Variants in HERC2 observed in about 807,000 individuals in gnomAD.
The protein encoded by HERC2 is HECT and RLD domain containing E3 ubiquitin protein ligase 2.
In HERC2, 102 loss-of-function variants were observed where a neutral mutation model predicts 537.7. That is an observed-to-expected ratio of 0.19 (90% CI 0.16 to 0.22). The LOEUF (loss-of-function observed/expected upper bound fraction) is 0.22. HERC2 is among the 10% of genes least tolerant of loss of function. The pLI is 1.00. For synonymous variants in HERC2, 2,224 were observed against 2,466.2 expected (o/e 0.90, Z 2.91); for missense variants, 4,236 against 6,198.2 (o/e 0.68, Z 10.63).
At chr15:28,130,752 G>A (rs1261665825) in intron 81 of HERC2, among the ~76,000 whole-genome samples, 158 bp from the exon 82 acceptor site, 1 of 152,198 alleles carries the variant, frequency 6.6e-6, no homozygotes, top group Non-Finnish European at 1.5e-5. Context: ...CTTAATCTCA[G>A]CACTCTCAGG....
intron 86 of HERC2, among the ~76,000 whole-genome samples, chr15:28,120,180 A>C (rs958409799): frequency 1.3e-5 from 2 of 152,240 alleles, no homozygotes; most frequent in African/African-American, 4.8e-5. Context: ...CTAGTTAAAC[A>C]ACCTATTTAT....
chr15:28,282,964 G>T (rs2076060341), intron 4 of HERC2, among the ~76,000 whole-genome samples: 1 of 141,854 alleles, frequency 7.0e-6, no homozygotes, highest in Non-Finnish European at 1.5e-5. Context: ...GAAGGGACAG[G>T]AAGGGATGGG....
intron 55 of HERC2, 84 bp from the exon 56 acceptor site, chr15:28,186,836 C>G: frequency 3.3e-6 from 3 of 920,444 alleles, no homozygotes; most frequent in Non-Finnish European, 5.1e-6. Context: ...GTGTGAGACA[C>G]GAACATGTAC....
At chr15:28,121,653 G>T (rs1888903073) in intron 85 of HERC2, among the ~76,000 whole-genome samples, 2 of 152,198 alleles carry the variant, frequency 1.3e-5, no homozygotes, top group Admixed American at 1.3e-4. Context: ...CGGGCAAGAG[G>T]CAGGTCCCTC....
In HERC2 at chr15:28,213,855, G is replaced by A. The variant is rs1353530202; in HGVS notation, c.6673C>T (p.His2225Tyr). Reference protein sequence around the residue: ...GRLRLGGQVMHDEFGEGTVTR... With the variant: ...GRLRLGGQVMYDEFGEGTVTR... Reference sequence around the variant, plus strand: ...ACAGTGCCTTCTCCAAACTCATCGTGCATAACTTGACCGCCCAGGCGCAGG... The same window carrying A: ...ACAGTGCCTTCTCCAAACTCATCGTACATAACTTGACCGCCCAGGCGCAGG... The change falls in exon 42 of 93, where the codon CAC becomes TAC. Residue 2225 changes from histidine to tyrosine, a missense_variant. His to Tyr is a moderately conservative substitution (Grantham distance 83, BLOSUM62 2). Coordinates refer to ENST00000261609, the MANE Select transcript of HERC2 (RefSeq NM_004667.6). The A allele has an allele frequency of 6.2e-7, 1 of 1,614,022 alleles. No individual in the cohort carries two copies. The highest frequency in any genetic ancestry group is 8.5e-7 in the Non-Finnish European group (1 of 1,179,912).
chr15:28,199,969 C>T (rs1897738655), intron 48 of HERC2, among the ~76,000 whole-genome samples: 2 of 151,932 alleles, frequency 1.3e-5, no homozygotes, highest in Non-Finnish European at 2.9e-5. Context: ...TGTTTGTGTC[C>T]CCCCCACCAA....
chr15:28,282,354 G>A (rs566348786), intron 4 of HERC2, among the ~76,000 whole-genome samples: 19 of 152,212 alleles, frequency 1.2e-4, no homozygotes, highest in Non-Finnish European at 2.4e-4. Flanking sequence ...GAAATACCAC[G>A]ATGAAAGATG....
chr15:28,313,287 C>T (rs1446033144), intron 2 of HERC2, among the ~76,000 whole-genome samples: 61 of 149,216 alleles, frequency 4.1e-4, no homozygotes, highest in African/African-American at 1.4e-3. Flanking sequence ...ATGCCATTCT[C>T]CTGCCTCAGC....
At chr15:28,212,150 G>A (rs1336152011) in intron 43 of HERC2, among the ~76,000 whole-genome samples, 1 of 152,210 alleles carries the variant, frequency 6.6e-6, no homozygotes, top group Non-Finnish European at 1.5e-5. Context: ...GGATGGAGAG[G>A]AGGAGGGAAG....
chr15:28,309,233 TG>T (rs1275035684), intron 2 of HERC2, among the ~76,000 whole-genome samples: 2 of 152,266 alleles, frequency 1.3e-5, no homozygotes, highest in African/African-American at 2.4e-5. Flanking sequence ...CTGGATGATC[TG>T]ATCTGTCCAA....
chr15:28,260,902 G>A lies in HERC2; in HGVS notation c.2191C>T (p.His731Tyr). The A allele has an allele frequency of 1.2e-6, 2 of 1,614,156 alleles. No individual in the cohort carries two copies. The highest frequency in any genetic ancestry group is 2.2e-5 in the East Asian group (1 of 44,888). The change falls in exon 16 of 93, where the codon CAC becomes TAC. Residue 731 changes from histidine to tyrosine, a missense_variant. His to Tyr is a moderately conservative substitution (Grantham distance 83, BLOSUM62 2). This residue lies in a region of HERC2 where 754 missense variants were observed against 1,085.0 expected (regional missense o/e 0.69). Transcript: ENST00000261609. ...CACTGGTCGTTGCTCCCCCAGCTGT[G>A]GACCTCGCTGTCCTCAGTCAGAGCC... ...CLALTEDSEV[H>Y]SWGSNDQCQH...
chr15:28,214,810 A>G lies in HERC2; in HGVS notation c.6211-8T>C. ...CAAATGCACAGCTAAGATCTGATAAAAGAAAATTTATAACGACAAGCATTA... is the reference window on the plus strand; with the variant it reads ...CAAATGCACAGCTAAGATCTGATAAGAGAAAATTTATAACGACAAGCATTA... On this transcript the variant is annotated splice_region_variant and splice_polypyrimidine_tract_variant and intron_variant, in intron 39 of 92. Coordinates refer to ENST00000261609, the MANE Select transcript of HERC2 (RefSeq NM_004667.6). 6.2e-7 allele frequency: 1 copy of G among 1,603,150 alleles called. No homozygotes were observed. The highest frequency in any genetic ancestry group is 1.1e-5 in the South Asian group (1 of 89,466).
At chr15:28,274,110 C>A (rs1244158611) in intron 7 of HERC2, among the ~76,000 whole-genome samples, 181 bp downstream of exon 7, 1 of 152,174 alleles carries the variant, frequency 6.6e-6, no homozygotes, top group East Asian at 1.9e-4. Context: ...GTCAGAGTAT[C>A]ATAAATCAAA....
In HERC2 at chr15:28,146,227, C is replaced by G. The variant is rs756976336; in HGVS notation, c.11008+10G>C. On this transcript the variant is annotated intron_variant, in intron 71 of 92. Transcript: ENST00000261609. ...GGTAGATCATGCCCTGCTCAACCTCCTGTCCTTACCTGACCGCACGGAGAC... is the reference window on the plus strand; with the variant it reads ...GGTAGATCATGCCCTGCTCAACCTCGTGTCCTTACCTGACCGCACGGAGAC... 15 of 1,601,788 alleles carry G rather than the reference C, an allele frequency of 9.4e-6. No homozygotes were observed. In the Admixed American group the frequency reaches 1.2e-4, roughly 12 times the overall value.
At chr15:28,287,442 T>C (rs2076186708) in intron 4 of HERC2, among the ~76,000 whole-genome samples, 2 of 152,090 alleles carry the variant, frequency 1.3e-5, no homozygotes, top group African/African-American at 4.8e-5. Context: ...CCTGAGTCAA[T>C]AAGCTGGGCT....
At chr15:28,254,642 T>G in intron 19 of HERC2, 124 bp from the exon 20 acceptor site, 1 of 589,972 alleles carries the variant, frequency 1.7e-6, no homozygotes, top group Non-Finnish European at 2.9e-6. Context: ...TGCACACACC[T>G]ACCCACAGGC....
chr15:28,146,915 A>G (rs546038838), intron 70 of HERC2, among the ~76,000 whole-genome samples: 134 of 130,484 alleles, frequency 1.0e-3, no homozygotes, highest in African/African-American at 4.0e-3. Context: ...AGGAGGGAAG[A>G]AGGAGGGACG....
At chr15:28,303,580 GT>G (rs2076694666) in intron 2 of HERC2, among the ~76,000 whole-genome samples, 1 of 151,574 alleles carries the variant, frequency 6.6e-6, no homozygotes, top group East Asian at 1.9e-4. Context: ...TTCTATTTCT[GT>G]GAAGAATGTC....
chr15:28,249,224 C>A (rs1037686221), intron 20 of HERC2, among the ~76,000 whole-genome samples: 3 of 152,214 alleles, frequency 2.0e-5, no homozygotes, highest in African/African-American at 7.2e-5. Flanking sequence ...GCCTGCATTG[C>A]CACATCTGCC....
Sources: gnomAD v4.1 joint callset for allele counts (sites outside exome capture counted in the v4.1 genomes callset) on GRCh38, gnomAD v4.1.1 for gene constraint, gnomAD v4.1.1 regional missense constraint, MANE v1.5 for transcripts, NCBI Gene and HGNC (gene_info 2026-07-23, HGNC 2026-07-21) for gene names.